Variants in DENND1B observed in about 807,000 individuals in gnomAD.
The protein encoded by DENND1B is DENN domain-containing protein 1B.
DENND1B carries 59 observed loss-of-function variants against 90.1 expected under a neutral mutation model. That is an observed-to-expected ratio of 0.65 (90% CI 0.53 to 0.81). The LOEUF is 0.81. Among genes scored for constraint, DENND1B ranks in the 40% least tolerant of loss-of-function variants. The probability of loss-of-function intolerance (pLI) is 0.00; values close to 1 mark genes in which losing one functional copy is unlikely to be tolerated. For missense variants in DENND1B, 862 were observed against 912.6 expected, an observed-to-expected ratio of 0.94 and a Z score of 0.71; for synonymous variants, 337 against 324.6, an observed-to-expected ratio of 1.04 and a Z score of -0.41.
intron 20 of DENND1B, among the ~76,000 whole-genome samples, chr1:197,519,809 G>GTAAC (rs1668645832): frequency 6.6e-6 from 1 of 151,866 alleles, no homozygotes; most frequent in Admixed American, 6.6e-5. Context: ...GGAATGAAAG[G>GTAAC]TAACTATTGG....
At position 197,722,172 on chromosome 1, in the gene DENND1B, GTAA is replaced by G. The variant is rs147895001; in HGVS notation, c.83-7101_83-7099del. 5.4e-3 allele frequency among the ~76,000 whole-genome samples: 819 copies of G among 152,030 alleles called. 40 individuals are homozygous for G. The East Asian group carries it at 0.11, about 21-fold the overall frequency. The stretch of plus-strand genomic sequence containing the variant: ...AGACTATCTGTGAATGCAAAATATA[GTAA>G]TAATAATAATAAGGCCTCTTTTATT... On this transcript the variant is annotated intron_variant, in intron 2 of 22. Transcript: ENST00000620048.
intron 2 of DENND1B, among the ~76,000 whole-genome samples, chr1:197,741,652 C>A (rs1663224215): frequency 6.6e-6 from 1 of 152,138 alleles, no homozygotes; most frequent in Admixed American, 6.5e-5. Context: ...AAATATTTAA[C>A]AGGCACAAAA....
intron 19 of DENND1B, 145 bp from the exon 20 acceptor site, chr1:197,540,216 A>C: frequency 2.6e-6 from 1 of 386,238 alleles, no homozygotes; most frequent in Non-Finnish European, 4.5e-6. Flanking sequence ...ATTTAAGAAG[A>C]AAATGCATTT....
intron 13 of DENND1B, among the ~76,000 whole-genome samples, chr1:197,605,143 T>A (rs960923154): frequency 2.0e-5 from 3 of 151,006 alleles, no homozygotes; most frequent in African/African-American, 7.3e-5. Context: ...TTTTAAATAT[T>A]TCAGTTATGT....
At chr1:197,663,983 A>T (rs1404924607) in intron 5 of DENND1B, among the ~76,000 whole-genome samples, 4 of 151,298 alleles carry the variant, frequency 2.6e-5, no homozygotes, top group African/African-American at 9.7e-5. Flanking sequence ...CATCATTTTT[A>T]AAAAGAAAAC....
chr1:197,754,791 A>G (rs1421188809), intron 2 of DENND1B, among the ~76,000 whole-genome samples: 1 of 152,144 alleles, frequency 6.6e-6, no homozygotes, highest in Non-Finnish European at 1.5e-5. Context: ...GAACCAGTTT[A>G]CGGAAAATGC....
At chr1:197,714,709 T>G (rs1234462946) in intron 3 of DENND1B, among the ~76,000 whole-genome samples, 1 of 152,158 alleles carries the variant, frequency 6.6e-6, no homozygotes, top group Non-Finnish European at 1.5e-5. Context: ...GATTTCATAT[T>G]GTCAACTTTT....
At chr1:197,621,965 C>A (rs1678211053) in intron 10 of DENND1B, among the ~76,000 whole-genome samples, 1 of 151,278 alleles carries the variant, frequency 6.6e-6, no homozygotes, top group African/African-American at 2.4e-5. Flanking sequence ...CTGACTAATG[C>A]AAAATAGAAA....
At chr1:197,555,803 T>G (rs1558235894) in intron 15 of DENND1B, among the ~76,000 whole-genome samples, 1 of 152,110 alleles carries the variant, frequency 6.6e-6, no homozygotes, top group Non-Finnish European at 1.5e-5. Context: ...TGGACATTTC[T>G]CAAAGAACTA....
At chr1:197,652,454 A>G in intron 6 of DENND1B, 139 bp from the exon 7 acceptor site, 1 of 607,102 alleles carries the variant, frequency 1.6e-6, no homozygotes, top group Non-Finnish European at 2.7e-6. Context: ...GAAACATTTC[A>G]AATACCTGAA....
chr1:197,536,910 G>C (rs1487664971), intron 20 of DENND1B, among the ~76,000 whole-genome samples: 1 of 151,862 alleles, frequency 6.6e-6, no homozygotes, highest in Non-Finnish European at 1.5e-5. Context: ...GCGTGGTGGC[G>C]GGTGCCTGTA....
intron 11 of DENND1B, among the ~76,000 whole-genome samples, chr1:197,615,421 T>A (rs890849836): frequency 4.0e-5 from 6 of 151,072 alleles, no homozygotes; most frequent in African/African-American, 1.5e-4. Flanking sequence ...ACAGAAATAC[T>A]TTATGGAGGT....
chr1:197,621,463 A>G (rs115844785), intron 10 of DENND1B, among the ~76,000 whole-genome samples: 1,659 of 151,484 alleles, frequency 0.011, 27 homozygotes, highest in African/African-American at 0.038. Context: ...TACATATTTT[A>G]GAAGTTTGGT....
intron 10 of DENND1B, among the ~76,000 whole-genome samples, chr1:197,621,608 T>C (rs1212029379): frequency 6.6e-6 from 1 of 151,408 alleles, no homozygotes; most frequent in East Asian, 1.9e-4. Context: ...ATAGTCTTTC[T>C]TTGGGCTAGA....
At chr1:197,701,215 G>A (rs61999237) in intron 3 of DENND1B, among the ~76,000 whole-genome samples, 1,702 of 152,306 alleles carry the variant, frequency 0.011, 37 homozygotes, top group African/African-American at 0.039. Flanking sequence ...TAAAGAAAAT[G>A]TGGTACATAT....
At chr1:197,583,753 G>A (rs1230418490) in intron 14 of DENND1B, among the ~76,000 whole-genome samples, 7 of 152,102 alleles carry the variant, frequency 4.6e-5, no homozygotes. Context: ...TACTTTCCAG[G>A]ATAAGTCCTA....
At chr1:197,645,650 A>G (rs780275162) in intron 9 of DENND1B, 40 bp downstream of exon 9, 2 of 1,292,402 alleles carry the variant, frequency 1.5e-6, no homozygotes, top group Non-Finnish European at 2.1e-6. Context: ...AACAAAATTA[A>G]TAATATAAGA....
chr1:197,720,084 T>C (rs961808585), intron 2 of DENND1B, among the ~76,000 whole-genome samples: 2 of 152,228 alleles, frequency 1.3e-5, no homozygotes, highest in Non-Finnish European at 2.9e-5. Context: ...TAGGTTGTTC[T>C]TAAAAGAGTC....
chr1:197,608,361 A>C (rs1415081183), intron 12 of DENND1B, among the ~76,000 whole-genome samples: 1 of 150,668 alleles, frequency 6.6e-6, no homozygotes, highest in East Asian at 1.9e-4. Flanking sequence ...TAAAGACTTA[A>C]AAGATGGCCA....
Sources: gnomAD v4.1 joint callset for allele counts (sites outside exome capture counted in the v4.1 genomes callset) on GRCh38, gnomAD v4.1.1 for gene constraint, MANE v1.5 for transcripts, NCBI Gene and HGNC (gene_info 2026-07-23, HGNC 2026-07-21) for gene names.